RBFOX1: variants seen among roughly 807,000 people sequenced by gnomAD.
The protein encoded by RBFOX1 is RNA binding protein fox-1 homolog 1.
Under a neutral mutation model 57.7 loss-of-function variants are expected in RBFOX1, and 8 were observed. The observed-to-expected ratio is 0.14, with a 90% confidence interval of 0.08 to 0.25. The LOEUF (loss-of-function observed/expected upper bound fraction) is 0.25. Among genes scored for constraint, RBFOX1 ranks in the 10% least tolerant of loss-of-function variants. The probability of loss-of-function intolerance (pLI) is 1.00; values close to 1 mark genes in which losing one functional copy is unlikely to be tolerated. For synonymous variants in RBFOX1, 326 were observed against 222.4 expected (o/e 1.47, Z -4.15); for missense variants, 611 against 548.5 (o/e 1.11, Z -1.14).
intron 4 of RBFOX1, among the ~76,000 whole-genome samples, chr16:7,142,426 C>A (rs983434835): frequency 2.0e-5 from 3 of 152,142 alleles, no homozygotes; most frequent in Non-Finnish European, 2.9e-5. Context: ...GTCACTCTTC[C>A]ATCAGCCCCT....
chr16:6,168,849 A>G (rs1248954548), intron 1 of RBFOX1, among the ~76,000 whole-genome samples: 3 of 149,896 alleles, frequency 2.0e-5, no homozygotes, highest in African/African-American at 7.4e-5. Flanking sequence ...CTCCCAGTGG[A>G]TTCTCTCTGG....
At chr16:6,352,446 G>T (rs2086578149) in intron 2 of RBFOX1, among the ~76,000 whole-genome samples, 1 of 152,134 alleles carries the variant, frequency 6.6e-6, no homozygotes, top group Admixed American at 6.5e-5. Context: ...GACCATCAAT[G>T]ATCAATCATG....
rs978943076 is a variant in RBFOX1 at position 7,505,458 on chromosome 16, G to A, written c.28-12689G>A. Among the ~76,000 whole-genome samples the A allele has an allele frequency of 1.1e-4, 17 of 152,222 alleles. No homozygotes were observed. In the South Asian group the frequency reaches 3.3e-3, roughly 30 times the overall value. ...GGGAACTTCACTTGTTCTGGATGTC[G>A]CTCATTTTTTAAGGGCTAAGCACAT... On this transcript the variant is annotated intron_variant, in intron 4 of 15. Transcript: ENST00000550418.
At chr16:6,876,910 G>A (rs548759211) in intron 3 of RBFOX1, among the ~76,000 whole-genome samples, 4 of 152,160 alleles carry the variant, frequency 2.6e-5, no homozygotes, top group Admixed American at 2.0e-4. Flanking sequence ...CCAAGTACTG[G>A]GTACACTATT....
At chr16:6,129,979 A>C (rs934954250) in intron 1 of RBFOX1, among the ~76,000 whole-genome samples, 10 of 152,266 alleles carry the variant, frequency 6.6e-5, no homozygotes, top group Admixed American at 5.2e-4. Flanking sequence ...ACACATTTTC[A>C]TCTAAAGGAC....
chr16:6,311,335 C>T (rs2080285359), intron 1 of RBFOX1, among the ~76,000 whole-genome samples: 3 of 145,742 alleles, frequency 2.1e-5, no homozygotes, highest in Non-Finnish European at 4.5e-5. Context: ...GAACTATTGG[C>T]TTTTGGGTTT....
intron 3 of RBFOX1, among the ~76,000 whole-genome samples, chr16:6,752,792 A>G (rs2075161903): frequency 1.4e-5 from 2 of 146,968 alleles, no homozygotes; most frequent in African/African-American, 2.5e-5. Context: ...TGGTAATGAA[A>G]TTGTCAAACT....
At chr16:5,611,887 T>A (rs923499739) in intron 3 of RBFOX1, among the ~76,000 whole-genome samples, 6 of 148,536 alleles carry the variant, frequency 4.0e-5, no homozygotes, top group Admixed American at 6.8e-5. Flanking sequence ...CTGCACTTTG[T>A]AAGGCCAAGG....
chr16:5,771,584 T>G (rs2053978735), intron 3 of RBFOX1, among the ~76,000 whole-genome samples: 1 of 152,134 alleles, frequency 6.6e-6, no homozygotes, highest in African/African-American at 2.4e-5. Flanking sequence ...AATTTTTGTA[T>G]TTTTAGCAGA....
chr16:5,373,779 C>G (rs926126160), intron 1 of RBFOX1, among the ~76,000 whole-genome samples: 5 of 151,938 alleles, frequency 3.3e-5, no homozygotes, highest in South Asian at 2.1e-4. Context: ...AATTTTTGCA[C>G]TTTTAATAGA....
At chr16:5,402,506 T>C (rs1166621005) in intron 1 of RBFOX1, among the ~76,000 whole-genome samples, 1 of 152,202 alleles carries the variant, frequency 6.6e-6, no homozygotes, top group Non-Finnish European at 1.5e-5. Context: ...CCAGAAACAA[T>C]GGAGGCTACT....
intron 4 of RBFOX1, among the ~76,000 whole-genome samples, chr16:7,364,187 CTT>C (rs1321239476): frequency 2.0e-5 from 3 of 152,154 alleles, no homozygotes; most frequent in Non-Finnish European, 4.4e-5. Flanking sequence ...CTGACGAGCT[CTT>C]GTCTGTTACA....
chr16:7,052,235 C>A, intron 4 of RBFOX1, 137 bp downstream of exon 4: 1 of 1,344,522 alleles, frequency 7.4e-7, no homozygotes, highest in South Asian at 1.6e-5. Flanking sequence ...AATATTTATC[C>A]CAGCTTATTT....
intron 4 of RBFOX1, among the ~76,000 whole-genome samples, chr16:7,067,459 T>G (rs946760199): frequency 1.8e-4 from 27 of 152,148 alleles, no homozygotes; most frequent in African/African-American, 5.8e-4. Flanking sequence ...TTTTTTTTTT[T>G]TATCATTCTG....
intron 1 of RBFOX1, among the ~76,000 whole-genome samples, chr16:5,359,698 C>A (rs150684718): frequency 9.2e-5 from 14 of 152,052 alleles, no homozygotes; most frequent in Non-Finnish European, 1.8e-4. Flanking sequence ...AGCTTCTTTG[C>A]CGATCATTTC....
At chr16:6,854,485 A>T (rs1244790344) in intron 3 of RBFOX1, among the ~76,000 whole-genome samples, 1 of 152,046 alleles carries the variant, frequency 6.6e-6, no homozygotes, top group East Asian at 1.9e-4. Flanking sequence ...AGAAATAGGA[A>T]GTTTAGCGAA....
At chr16:6,675,515 G>A (rs968247975) in intron 3 of RBFOX1, among the ~76,000 whole-genome samples, 1 of 152,148 alleles carries the variant, frequency 6.6e-6, no homozygotes, top group African/African-American at 2.4e-5. Flanking sequence ...TGTGTTCATT[G>A]CTGAACCAGG....
At chr16:5,354,657 C>T (rs1216947910) in intron 1 of RBFOX1, among the ~76,000 whole-genome samples, 2 of 152,250 alleles carry the variant, frequency 1.3e-5, no homozygotes, top group African/African-American at 4.8e-5. Flanking sequence ...TTTATTCCAA[C>T]CCTCTCTTTG....
intron 3 of RBFOX1, among the ~76,000 whole-genome samples, chr16:7,051,304 G>T (rs1181989593): frequency 2.0e-5 from 3 of 152,052 alleles, no homozygotes; most frequent in Admixed American, 6.5e-5. Flanking sequence ...CATGTAATAC[G>T]ACTCCACCCA....
Sources: gnomAD v4.1 joint callset for allele counts (sites outside exome capture counted in the v4.1 genomes callset) on GRCh38, gnomAD v4.1.1 for gene constraint, MANE v1.5 for transcripts, NCBI Gene and HGNC (gene_info 2026-07-23, HGNC 2026-07-21) for gene names.